BCL9: variants seen among roughly 807,000 people sequenced by gnomAD.
BCL9 encodes the protein B-cell CLL/lymphoma 9 protein.
A neutral mutation model predicts 88.5 loss-of-function variants in BCL9; 25 were observed. The observed-to-expected ratio is 0.28, with a 90% CI of 0.21 to 0.39. BCL9 has a LOEUF of 0.39. Ranked by LOEUF, BCL9 falls within the 10% of genes least tolerant of loss-of-function variation. The pLI, the probability that BCL9 is intolerant of heterozygous loss-of-function variation, is 1.00. For synonymous variants in BCL9, 711 were observed against 673.3 expected (o/e 1.06, Z -0.87); for missense variants, 1,817 against 1,877.8 (o/e 0.97, Z 0.60).
In BCL9 at chr1:147,618,843, G is replaced by C. The variant is rs1375960194; in HGVS notation, c.688G>C (p.Asp230His). Reference protein sequence around the residue: ...LNTQISALRNDPKPLPQQPPA... With the variant: ...LNTQISALRNHPKPLPQQPPA... Reference sequence around the variant, plus strand: ...CACACAGATATCTGCCCTTCGGAATGATCCGAAACCTCTCCCACAACAGCC... The same window carrying C: ...CACACAGATATCTGCCCTTCGGAATCATCCGAAACCTCTCCCACAACAGCC... The change falls in exon 8 of 10, where the codon GAT becomes CAT. Residue 230 changes from aspartate to histidine, a missense_variant. Around this residue, in one of 2 missense-constraint regions of BCL9, gnomAD observed 1,228 missense variants for 1,191.6 expected, o/e 1.03. Transcript: ENST00000234739. The C allele has an allele frequency of 6.4e-7, 1 of 1,570,418 alleles. No individual in the cohort carries two copies. The highest frequency in any genetic ancestry group is 8.6e-7 in the Non-Finnish European group (1 of 1,160,472).
chr1:147,586,996 C>A (rs1656633582), intron 1 of BCL9, among the ~76,000 whole-genome samples: 1 of 148,774 alleles, frequency 6.7e-6, no homozygotes, highest in Admixed American at 6.8e-5. Flanking sequence ...CATACCTCCT[C>A]CAGGAATGTG....
chr1:147,578,646 T>C (rs1570851480), intron 1 of BCL9, among the ~76,000 whole-genome samples: 1 of 152,242 alleles, frequency 6.6e-6, no homozygotes, highest in Admixed American at 6.5e-5. Flanking sequence ...GACAATTTCC[T>C]ACCCCTGGAA....
chr1:147,589,022 A>G (rs587635448), intron 1 of BCL9, among the ~76,000 whole-genome samples: 1 of 152,176 alleles, frequency 6.6e-6, no homozygotes, highest in Admixed American at 6.5e-5. Context: ...TGCTTGGAGG[A>G]TATCAGTGAA....
At chr1:147,564,585 A>G (rs1655522889) in intron 1 of BCL9, among the ~76,000 whole-genome samples, 1 of 152,194 alleles carries the variant, frequency 6.6e-6, no homozygotes, top group South Asian at 2.1e-4. Flanking sequence ...CTTCTCTTCT[A>G]CATCCTGAGA....
At chr1:147,569,683 A>G (rs1246666489) in intron 1 of BCL9, among the ~76,000 whole-genome samples, 2 of 152,058 alleles carry the variant, frequency 1.3e-5, no homozygotes, top group Non-Finnish European at 2.9e-5. Context: ...GAAAAAAGAA[A>G]TCATTCTTAC....
intron 2 of BCL9, among the ~76,000 whole-genome samples, chr1:147,606,432 C>T (rs1160482273): frequency 6.6e-6 from 1 of 152,168 alleles, no homozygotes; most frequent in African/African-American, 2.4e-5. Context: ...AATCTCTATA[C>T]TAATAAGGAA....
At position 147,613,189 on chromosome 1, in the gene BCL9, T is replaced by C; in HGVS notation, c.360T>C (p.Ser120=). Reference sequence around the variant, plus strand: ...ATCCTGGGACTCCAAACGATGACTCTGACATTAAAGGTATGTCTATAAGAT... The same window carrying C: ...ATCCTGGGACTCCAAACGATGACTCCGACATTAAAGGTATGTCTATAAGAT... The part of the protein sequence containing the change: ...QRDPGTPNDD[S]DIKECNSADH... The change falls in exon 5 of 10, where the codon TCT becomes TCC. Residue 120 remains serine, a synonymous_variant. Coordinates refer to ENST00000234739, the MANE Select transcript of BCL9 (RefSeq NM_004326.4). 6.2e-7 allele frequency: 1 copy of C among 1,614,190 alleles called. No individual in the cohort carries two copies. Among genetic ancestry groups the C allele is most frequent in the Non-Finnish European group, 8.5e-7 (1 of 1,180,026 alleles).
chr1:147,613,476 A>G (rs1304106824), intron 5 of BCL9, among the ~76,000 whole-genome samples: 1 of 152,162 alleles, frequency 6.6e-6, no homozygotes, highest in Non-Finnish European at 1.5e-5. Context: ...CCCTGTTCGT[A>G]CACGTTTCTG....
intron 1 of BCL9, among the ~76,000 whole-genome samples, chr1:147,567,918 A>G (rs937837064): frequency 1.3e-5 from 2 of 152,128 alleles, no homozygotes; most frequent in Admixed American, 6.6e-5. Flanking sequence ...CAAATTTTAT[A>G]TCCCATTGCA....
chr1:147,593,578 C>G (rs587762131), intron 1 of BCL9, among the ~76,000 whole-genome samples: 9 of 152,316 alleles, frequency 5.9e-5, no homozygotes, highest in Non-Finnish European at 1.3e-4. Context: ...AGCTAGATCA[C>G]TGATCCCAAC....
chr1:147,563,804 T>A (rs1557826298), intron 1 of BCL9, among the ~76,000 whole-genome samples: 1 of 152,326 alleles, frequency 6.6e-6, no homozygotes, highest in East Asian at 1.9e-4. Flanking sequence ...CAACCACTAC[T>A]CATTACACAC....
chr1:147,620,507 C>T lies in BCL9; in HGVS notation c.2352C>T (p.Phe784=). The change falls in exon 8 of 10, where the codon TTC becomes TTT. Residue 784 remains phenylalanine (F), a synonymous_variant. Coordinates refer to ENST00000234739, the MANE Select transcript of BCL9 (RefSeq NM_004326.4). ...QQEYGMGPRP[F]LPMSQGPGSN... ...AGTATGGCATGGGCCCCAGACCATT[C>T]CTTCCCATGTCTCAGGGTCCAGGCA... The T allele has an allele frequency of 6.2e-7, 1 of 1,614,160 alleles. No individual in the cohort carries two copies. The highest frequency in any genetic ancestry group is 1.1e-5 in the South Asian group (1 of 91,082).
intron 1 of BCL9, among the ~76,000 whole-genome samples, chr1:147,563,141 C>T (rs1467932474): frequency 6.6e-6 from 1 of 152,202 alleles, no homozygotes. Context: ...TTCAGAGAGC[C>T]GTTCCTAACC....
chr1:147,624,250 C>G lies in BCL9; in HGVS notation c.3572C>G (p.Ala1191Gly), dbSNP rs1159515026. 4.3e-6 allele frequency: 7 copies of G among 1,614,066 alleles called. No homozygotes were observed. Among genetic ancestry groups the G allele is most frequent in the Non-Finnish European group, 5.9e-6 (7 of 1,180,016 alleles). ...SNLPQSSADA[A>G]LCKPGGPGGP... ...CTGCCCCAAAGTTCAGCAGATGCAG[C>G]ACTTTGCAAGCCTGGAGGCCCCGGG... Residue 1191 changes from alanine (A) to glycine (G), a missense_variant, in exon 10 of 10, where the codon GCA (alanine) becomes GGA (glycine). Around this residue, in one of 2 missense-constraint regions of BCL9, gnomAD observed 589 missense variants for 686.2 expected, o/e 0.86. Transcript: ENST00000234739. The surrounding 1 kb of genome is among the most constrained non-coding windows in gnomAD (Gnocchi z 4.4).
intron 1 of BCL9, among the ~76,000 whole-genome samples, chr1:147,587,365 T>G (rs940425911): frequency 2.6e-5 from 4 of 152,206 alleles, no homozygotes; most frequent in African/African-American, 9.7e-5. Context: ...AATGCACGCA[T>G]GAATGAATCT....
rs1658927386 is a variant in BCL9 at position 147,625,962 on chromosome 1, A to AC, written c.*1006dup. On this transcript the variant is annotated 3_prime_UTR_variant, in exon 10 of 10. Transcript: ENST00000234739. ...CCTAAGTCTTTCTCTTTCCCATCATACCCTTCCCTGCCCACCTTGTTTTCT... is the reference window on the plus strand; with the variant it reads ...CCTAAGTCTTTCTCTTTCCCATCATACCCCTTCCCTGCCCACCTTGTTTTCT... The AC allele has an allele frequency of 8.6e-6, 2 of 231,804 alleles. No individual in the cohort carries two copies. Among genetic ancestry groups the AC allele is most frequent in the Non-Finnish European group, 1.7e-5 (2 of 117,198 alleles). 14.4% of individuals were successfully genotyped at this position (231,804 alleles called of 1,614,324 possible). A position where few individuals can be genotyped will look rare whatever the true frequency, so the allele number is the denominator to read the frequency against.
At chr1:147,618,635 T>TAA (rs879959539) in intron 7 of BCL9, among the ~76,000 whole-genome samples, 181 bp from the exon 8 acceptor site, 124 of 147,582 alleles carry the variant, frequency 8.4e-4, no homozygotes, top group South Asian at 8.5e-4. Flanking sequence ...ACAGTAAGTT[T>TAA]AAAAAAAAAA....
chr1:147,613,287 A>T (rs776429955), intron 5 of BCL9, 88 bp downstream of exon 5: 9 of 1,349,672 alleles, frequency 6.7e-6, no homozygotes, highest in Admixed American at 1.9e-5. Context: ...AGAGAGCCTA[A>T]TATCAGACAA....
chr1:147,556,048 T>C (rs1655093937), intron 1 of BCL9, among the ~76,000 whole-genome samples: 1 of 152,136 alleles, frequency 6.6e-6, no homozygotes, highest in Non-Finnish European at 1.5e-5. Context: ...TGTCCTAGAG[T>C]AGCCTACTAC....
Sources: allele counts gnomAD v4.1 joint callset (sites outside exome capture counted in the v4.1 genomes callset), GRCh38; gene constraint gnomAD v4.1.1; regional missense constraint gnomAD v4.1.1; non-coding constraint Gnocchi (gnomAD v3.1); transcripts MANE v1.5; gene names NCBI Gene and HGNC (gene_info 2026-07-23, HGNC 2026-07-21).